Variants in MAP3K5 observed in about 807,000 individuals in gnomAD.
MAP3K5 encodes the protein mitogen-activated protein kinase kinase kinase 5.
MAP3K5 carries 56 observed loss-of-function variants against 158.7 expected under a neutral mutation model. The observed-to-expected ratio is 0.35, with a 90% CI of 0.28 to 0.44. The LOEUF is 0.44. Ranked by LOEUF, MAP3K5 falls within the 20% of genes least tolerant of loss-of-function variation. MAP3K5 has a pLI of 1.00. For synonymous variants in MAP3K5, 579 were observed against 601.7 expected (o/e 0.96, Z 0.55); for missense variants, 1,294 against 1,674.8 (o/e 0.77, Z 3.97).
intron 1 of MAP3K5, among the ~76,000 whole-genome samples, chr6:136,750,030 C>G (rs1381872243): frequency 6.6e-6 from 1 of 152,024 alleles, no homozygotes; most frequent in East Asian, 1.9e-4. Context: ...AAATTAGAGA[C>G]AAGGTGTGGT....
At chr6:136,642,773 C>G (rs111583740) in intron 11 of MAP3K5, among the ~76,000 whole-genome samples, 4 of 152,078 alleles carry the variant, frequency 2.6e-5, no homozygotes, top group African/African-American at 9.7e-5. Flanking sequence ...AATTCCTGTA[C>G]TTCAATAAAA....
intron 26 of MAP3K5, among the ~76,000 whole-genome samples, chr6:136,562,993 C>G (rs1425943148): frequency 1.3e-5 from 2 of 151,898 alleles, no homozygotes; most frequent in African/African-American, 4.8e-5. Flanking sequence ...CTAGGATGAC[C>G]TTCTAGACAT....
intron 14 of MAP3K5, chr6:136,636,932 T>A: frequency 9.9e-7 from 1 of 1,005,892 alleles, no homozygotes; most frequent in South Asian, 4.5e-5. Flanking sequence ...TGGTTTCAGG[T>A]TCTCTGTGTA....
rs1433319988 is a variant in MAP3K5 at position 136,792,181 on chromosome 6, C to T, written c.-24G>A. 1 of 1,529,678 alleles carries T rather than the reference C, an allele frequency of 6.5e-7. No homozygotes were observed. The highest frequency in any genetic ancestry group is 8.8e-7 in the Non-Finnish European group (1 of 1,142,016). 94.8% of individuals were successfully genotyped at this position (1,529,678 alleles called of 1,614,324 possible). On this transcript the variant is annotated 5_prime_UTR_variant, in exon 1 of 30. Transcript: ENST00000359015. The surrounding 1 kb of genome is among the most constrained non-coding windows in gnomAD (Gnocchi z 5.7). ...ATCTCTCCGGGCCGGGCAGCAACGG[C>T]GGCGGCGTCCCCCGCCCAGCCGCAC...
Position 136,697,283 on chromosome 6 carries a change from T to C in MAP3K5, c.911A>G (p.Asp304Gly), listed in dbSNP as rs2114670337. 1.9e-6 allele frequency: 3 copies of C among 1,613,950 alleles called. No homozygotes were observed. In the Middle Eastern group the frequency reaches 5.0e-4, roughly 266 times the overall value. The change falls in exon 5 of 30, where the codon GAT becomes GGT. Residue 304 changes from aspartate (D) to glycine (G), a missense_variant. Physicochemically the swap from Asp to Gly is moderately conservative, Grantham distance 94. Around this residue, in one of 5 missense-constraint regions of MAP3K5, gnomAD observed 690 missense variants for 870.5 expected, o/e 0.79. Coordinates refer to ENST00000359015, the MANE Select transcript of MAP3K5 (RefSeq NM_005923.4). ...ATCTGCTGTCAAGACTTCGATATTATCTACTCGCTGCCGAATTCTTGCCAA... is the reference window on the plus strand; with the variant it reads ...ATCTGCTGTCAAGACTTCGATATTACCTACTCGCTGCCGAATTCTTGCCAA... ...AELARIRQRV[D>G]NIEVLTADIV... is the part of the protein sequence containing the mutation.
intron 1 of MAP3K5, among the ~76,000 whole-genome samples, chr6:136,786,950 T>C (rs1428408108): frequency 6.6e-6 from 1 of 152,058 alleles, no homozygotes; most frequent in African/African-American, 2.4e-5. Flanking sequence ...GAATAAGTTC[T>C]TACTCACTCC....
intron 8 of MAP3K5, among the ~76,000 whole-genome samples, chr6:136,663,878 T>C (rs1396045084): frequency 1.3e-5 from 2 of 152,152 alleles, no homozygotes; most frequent in Non-Finnish European, 2.9e-5. Flanking sequence ...CCCAAAGTGC[T>C]GGGATTACAG....
intron 25 of MAP3K5, among the ~76,000 whole-genome samples, chr6:136,578,678 G>A (rs1356552555): frequency 1.3e-5 from 2 of 151,862 alleles, no homozygotes; most frequent in Admixed American, 1.3e-4. Flanking sequence ...CATGTTCAGG[G>A]ATAGCAGAAC....
At chr6:136,761,180 G>A (rs1289372849) in intron 1 of MAP3K5, among the ~76,000 whole-genome samples, 1 of 151,252 alleles carries the variant, frequency 6.6e-6, no homozygotes, top group African/African-American at 2.4e-5. Flanking sequence ...ATGCCACCTC[G>A]CTTATGGGAG....
intron 15 of MAP3K5, 58 bp from the exon 16 acceptor site, chr6:136,614,344 T>C: frequency 6.4e-7 from 1 of 1,571,088 alleles, no homozygotes; most frequent in Non-Finnish European, 8.7e-7. Flanking sequence ...ACTGTATAAA[T>C]TTAAACAATA....
chr6:136,641,224 T>C (rs1445565106), intron 12 of MAP3K5, among the ~76,000 whole-genome samples: 6 of 152,186 alleles, frequency 3.9e-5, no homozygotes, highest in Non-Finnish European at 8.8e-5. Flanking sequence ...TCTGTTCAGA[T>C]CATTCATGAG....
At chr6:136,747,380 A>G (rs999031853) in intron 1 of MAP3K5, among the ~76,000 whole-genome samples, 13 of 152,214 alleles carry the variant, frequency 8.5e-5, no homozygotes, top group African/African-American at 3.1e-4. Context: ...TCCTGTTAGT[A>G]CGGGTGCTGT....
chr6:136,735,578 C>T (rs1782421331), intron 1 of MAP3K5, among the ~76,000 whole-genome samples: 1 of 152,136 alleles, frequency 6.6e-6, no homozygotes, highest in Admixed American at 6.6e-5. Context: ...GCCTGTAATT[C>T]CCAGCACTTT....
At chr6:136,572,172 A>G (rs1774397862) in intron 25 of MAP3K5, among the ~76,000 whole-genome samples, 1 of 152,248 alleles carries the variant, frequency 6.6e-6, no homozygotes, top group South Asian at 2.1e-4. Flanking sequence ...TAATTTAAGA[A>G]AGTGTGATTC....
chr6:136,707,046 T>C (rs1368079188), intron 2 of MAP3K5, among the ~76,000 whole-genome samples: 7 of 152,064 alleles, frequency 4.6e-5, no homozygotes, highest in Non-Finnish European at 1.0e-4. Context: ...ACCAAGCTAC[T>C]TGGAAGGCTG....
intron 23 of MAP3K5, among the ~76,000 whole-genome samples, chr6:136,584,755 C>A (rs993433527): frequency 7.9e-5 from 12 of 152,084 alleles, no homozygotes; most frequent in Non-Finnish European, 1.3e-4. Context: ...GCAACCAAGC[C>A]AGAGAAAAGA....
intron 13 of MAP3K5, among the ~76,000 whole-genome samples, chr6:136,637,748 G>T (rs1180162786): frequency 6.6e-6 from 1 of 151,964 alleles, no homozygotes; most frequent in African/African-American, 2.4e-5. Context: ...GCTGTGACTA[G>T]GCCATTCAGA....
Position 136,691,438 on chromosome 6 carries a change from C to A in MAP3K5, c.1253+2702G>T, listed in dbSNP as rs1041827176. 9.2e-5 allele frequency among the ~76,000 whole-genome samples: 14 copies of A among 152,094 alleles called. No homozygotes were observed. In the South Asian group the frequency reaches 2.9e-3, roughly 32 times the overall value. ...CCAGCCTGGACAACATGGGGAAACC[C>A]GGACTCAACTAAAAATACAAAAAGT... On this transcript the variant is annotated intron_variant, in intron 7 of 29. Transcript: ENST00000359015.
intron 13 of MAP3K5, among the ~76,000 whole-genome samples, chr6:136,637,975 A>G (rs1281003941): frequency 6.6e-6 from 1 of 152,150 alleles, no homozygotes; most frequent in African/African-American, 2.4e-5. Flanking sequence ...AGGATAAAGA[A>G]CTGTTCTGGC....
Sources: gnomAD v4.1 joint callset for allele counts (sites outside exome capture counted in the v4.1 genomes callset) on GRCh38, gnomAD v4.1.1 for gene constraint, gnomAD v4.1.1 regional missense constraint, Gnocchi (gnomAD v3.1) non-coding constraint, MANE v1.5 for transcripts, NCBI Gene and HGNC (gene_info 2026-07-23, HGNC 2026-07-21) for gene names.